The following MTURN variants were observed in gnomAD, a reference collection of about 807,000 sequenced individuals.
MTURN encodes the protein maturin, neural progenitor differentiation regulator homolog.
A neutral mutation model predicts 14.9 loss-of-function variants in MTURN; 7 were observed. The ratio of observed to expected loss-of-function variants is 0.47; its 90% CI spans 0.27 to 0.88. The LOEUF (loss-of-function observed/expected upper bound fraction) is 0.88, where lower values mean the gene tolerates loss of function less well. Among genes scored for constraint, MTURN ranks in the 40% least tolerant of loss-of-function variants. MTURN has a pLI of 0.14. For missense variants in MTURN, 151 were observed against 174.1 expected (o/e 0.87, Z 0.75); for synonymous variants, 69 against 72.5 (o/e 0.95, Z 0.25).
intron 2 of MTURN, among the ~76,000 whole-genome samples, chr7:30,153,572 C>A (rs552254983): frequency 1.8e-4 from 28 of 152,132 alleles, no homozygotes; most frequent in Admixed American, 1.4e-3. Flanking sequence ...TGACTCTAGG[C>A]AAGTTACTCA....
chr7:30,152,502 G>A (rs542224425), intron 2 of MTURN, among the ~76,000 whole-genome samples: 149 of 152,306 alleles, frequency 9.8e-4, no homozygotes, highest in South Asian at 2.5e-3. Flanking sequence ...CATCATCTGC[G>A]TTTGAGGTAG....
Position 30,157,495 on chromosome 7 carries a change from G to A in MTURN, c.343G>A (p.Glu115Lys). Residue 115 changes from glutamate to lysine, a missense_variant, in exon 3 of 3, where the codon GAA becomes AAA. Coordinates refer to ENST00000324453, the MANE Select transcript of MTURN (RefSeq NM_152793.3). ...GTTTGAAGAGTACAGTGCTGACGTG[G>A]AAGAAGAGGAGCCAGAGGCGGACCA... ...DAFEEYSADVEEEEPEADHPQ... is the reference protein window; with the variant it reads ...DAFEEYSADVKEEEPEADHPQ... 6.2e-7 allele frequency: 1 copy of A among 1,607,056 alleles called. No individual in the cohort carries two copies. The highest frequency in any genetic ancestry group is 8.5e-7 in the Non-Finnish European group (1 of 1,177,112).
At chr7:30,136,292 A>G (rs1481622447) in intron 1 of MTURN, among the ~76,000 whole-genome samples, 1 of 149,912 alleles carries the variant, frequency 6.7e-6, no homozygotes, top group Non-Finnish European at 1.5e-5. Context: ...GGGGATGCGG[A>G]GGGCAGGGGA....
intron 2 of MTURN, among the ~76,000 whole-genome samples, chr7:30,154,098 G>A (rs1056332881): frequency 6.6e-6 from 1 of 152,120 alleles, no homozygotes; most frequent in African/African-American, 2.4e-5. Context: ...AACGAGACAC[G>A]GGGTTTTACC....
chr7:30,145,996 A>G (rs1797123311), intron 1 of MTURN, 181 bp from the exon 2 acceptor site: 1 of 1,549,198 alleles, frequency 6.5e-7, no homozygotes, highest in Non-Finnish European at 8.7e-7. Context: ...TATAGATTAG[A>G]CATTTTTTCT....
chr7:30,137,165 C>T (rs1796976726), intron 1 of MTURN: 1 of 156,868 alleles, frequency 6.4e-6, no homozygotes, highest in Non-Finnish European at 1.4e-5. Context: ...ATCCAGCTGA[C>T]TGTAAAATGT....
At chr7:30,156,066 C>G (rs1229769001) in intron 2 of MTURN, among the ~76,000 whole-genome samples, 2 of 152,040 alleles carry the variant, frequency 1.3e-5, no homozygotes, top group Admixed American at 6.5e-5. Flanking sequence ...ATGAAGGCAC[C>G]AGGAGACAGA....
At chr7:30,154,273 A>C (rs1277749655) in intron 2 of MTURN, among the ~76,000 whole-genome samples, 1 of 151,968 alleles carries the variant, frequency 6.6e-6, no homozygotes, top group African/African-American at 2.4e-5. Context: ...TGTATATAGG[A>C]TTTTCACTCA....
At chr7:30,138,057 T>C (rs888188971) in intron 1 of MTURN, among the ~76,000 whole-genome samples, 1 of 152,222 alleles carries the variant, frequency 6.6e-6, no homozygotes, top group Admixed American at 6.5e-5. Flanking sequence ...GGTTTGCACC[T>C]CAGCTCCCCG....
chr7:30,142,727 G>A (rs118175482), intron 1 of MTURN, among the ~76,000 whole-genome samples: 6 of 152,024 alleles, frequency 3.9e-5, no homozygotes, highest in African/African-American at 9.7e-5. Context: ...CTTGAGAACC[G>A]CTTCCCTCTA....
At chr7:30,149,455 C>T (rs988709589) in intron 2 of MTURN, among the ~76,000 whole-genome samples, 28 of 152,140 alleles carry the variant, frequency 1.8e-4, no homozygotes, top group Admixed American at 7.9e-4. Flanking sequence ...GGCACCTTCC[C>T]GGACTGGTAA....
chr7:30,143,581 T>C (rs1797086306), intron 1 of MTURN, among the ~76,000 whole-genome samples: 1 of 152,126 alleles, frequency 6.6e-6, no homozygotes, highest in South Asian at 2.1e-4. Flanking sequence ...TGCCACTCTA[T>C]CATGTGGACA....
At chr7:30,140,145 C>A (rs563240669) in intron 1 of MTURN, among the ~76,000 whole-genome samples, 1 of 152,246 alleles carries the variant, frequency 6.6e-6, no homozygotes, top group South Asian at 2.1e-4. Context: ...GAAATGAGGT[C>A]TCTGAACAAA....
At chr7:30,136,146 G>T (rs1438119919) in intron 1 of MTURN, among the ~76,000 whole-genome samples, 1 of 152,174 alleles carries the variant, frequency 6.6e-6, no homozygotes, top group Non-Finnish European at 1.5e-5. Flanking sequence ...CCCTGCTGAA[G>T]CCCGTTGGCT....
At chr7:30,138,114 T>A (rs1796993630) in intron 1 of MTURN, among the ~76,000 whole-genome samples, 1 of 152,000 alleles carries the variant, frequency 6.6e-6, no homozygotes, top group Non-Finnish European at 1.5e-5. Flanking sequence ...ATGCCATACT[T>A]TTTTTTTCTT....
intron 2 of MTURN, among the ~76,000 whole-genome samples, chr7:30,149,237 A>T (rs573795974): frequency 6.6e-6 from 1 of 152,328 alleles, no homozygotes; most frequent in Non-Finnish European, 1.5e-5. Flanking sequence ...TGGCGCTGAG[A>T]TGTGTCACGT....
chr7:30,142,947 A>G (rs1467348885), intron 1 of MTURN, among the ~76,000 whole-genome samples: 1 of 152,142 alleles, frequency 6.6e-6, no homozygotes, highest in Non-Finnish European at 1.5e-5. Context: ...ACACATGCTT[A>G]AAATATTTTC....
intron 1 of MTURN, among the ~76,000 whole-genome samples, chr7:30,139,309 G>C (rs1330228832): frequency 6.6e-6 from 1 of 152,294 alleles, no homozygotes; most frequent in South Asian, 2.1e-4. Context: ...TTTAACTTTA[G>C]TACTCTCACA....
chr7:30,135,605 G>A (rs1796939873), intron 1 of MTURN, among the ~76,000 whole-genome samples: 1 of 152,148 alleles, frequency 6.6e-6, no homozygotes, highest in Non-Finnish European at 1.5e-5. Context: ...GCCGTTTCGG[G>A]AACCCGACCT....
Sources: allele counts gnomAD v4.1 joint callset (sites outside exome capture counted in the v4.1 genomes callset), GRCh38; gene constraint gnomAD v4.1.1; transcripts MANE v1.5; gene names NCBI Gene and HGNC (gene_info 2026-07-23, HGNC 2026-07-21).